CDH13: variants seen among roughly 807,000 people sequenced by gnomAD.
CDH13 encodes cadherin-13.
A neutral mutation model predicts 63.8 loss-of-function variants in CDH13; 24 were observed. The ratio of observed to expected loss-of-function variants is 0.38; its 90% CI spans 0.27 to 0.53. CDH13 has a LOEUF of 0.53. CDH13 is among the 20% of genes least tolerant of loss of function. The pLI, the probability that CDH13 is intolerant of heterozygous loss-of-function variation, is 0.85. For missense variants in CDH13, 1,049 were observed against 903.1 expected (o/e 1.16, Z -2.07); for synonymous variants, 503 against 355.3 (o/e 1.42, Z -4.67).
chr16:83,369,166 G>C (rs56291654), intron 6 of CDH13, among the ~76,000 whole-genome samples: 20,707 of 150,986 alleles, frequency 0.14, 1,855 homozygotes, highest in Middle Eastern at 0.27. Context: ...GGTTGTACTT[G>C]TTTACATTCC....
intron 1 of CDH13, among the ~76,000 whole-genome samples, chr16:82,783,919 GA>G (rs1472473171): frequency 2.0e-5 from 3 of 152,062 alleles, no homozygotes; most frequent in South Asian, 4.2e-4. Flanking sequence ...ATTAGAAAAA[GA>G]AAAAAATACT....
chr16:83,652,451 A>G (rs1005969369), intron 8 of CDH13, among the ~76,000 whole-genome samples: 1 of 152,006 alleles, frequency 6.6e-6, no homozygotes, highest in African/African-American at 2.4e-5. Flanking sequence ...GGGATTCTCC[A>G]TGGGCTGCAG....
chr16:83,285,204 C>T (rs1002872674), intron 5 of CDH13, among the ~76,000 whole-genome samples: 9 of 152,142 alleles, frequency 5.9e-5, no homozygotes, highest in African/African-American at 2.2e-4. Context: ...GAAAGTCCTA[C>T]CCAGAAGGAA....
intron 2 of CDH13, among the ~76,000 whole-genome samples, chr16:82,919,286 G>T (rs2042084467): frequency 6.6e-6 from 1 of 152,126 alleles, no homozygotes; most frequent in Non-Finnish European, 1.5e-5. Context: ...GAGATTTGTT[G>T]TACAGATTAT....
intron 5 of CDH13, among the ~76,000 whole-genome samples, chr16:83,242,699 C>A (rs931336926): frequency 2.0e-5 from 3 of 152,138 alleles, no homozygotes; most frequent in Non-Finnish European, 4.4e-5. Context: ...GGGAAAATTC[C>A]CAGAAAGTGA....
chr16:83,427,697 C>T (rs545763134), intron 6 of CDH13, among the ~76,000 whole-genome samples: 1 of 152,266 alleles, frequency 6.6e-6, no homozygotes, highest in South Asian at 2.1e-4. Flanking sequence ...CTCCTCCACC[C>T]TCGGCAGGCC....
Position 83,047,492 on chromosome 16 carries a change from T to C in CDH13, c.366+15274T>C, listed in dbSNP as rs1454232700. Among the ~76,000 whole-genome samples the C allele has an allele frequency of 2.0e-5, 3 of 152,026 alleles. No individual in the cohort carries two copies. Among genetic ancestry groups the C allele is most frequent in the Non-Finnish European group, 4.4e-5 (3 of 67,984 alleles). ...GTAATTTCCTCTTTCCCTCAGGCCT[T>C]TGCGTAATATTTTCTCTGCATGGAA... On this transcript the variant is annotated intron_variant, in intron 3 of 13. Transcript: ENST00000567109. The surrounding 1 kb of genome is among the most constrained non-coding windows in gnomAD (Gnocchi z 4.9).
At position 83,246,520 on chromosome 16, in the gene CDH13, T is replaced by C. The variant is rs141021380; in HGVS notation, c.636+29023T>C. ...GCATTCTTCCTCTTCTCTATACTTTTCCATGGTTCATTCATCTCCATTTTA... is the reference window on the plus strand; with the variant it reads ...GCATTCTTCCTCTTCTCTATACTTTCCCATGGTTCATTCATCTCCATTTTA... On this transcript the variant is annotated intron_variant, in intron 5 of 13. Transcript: ENST00000567109. 3.3e-5 allele frequency among the ~76,000 whole-genome samples: 5 copies of C among 152,318 alleles called. No individual in the cohort carries two copies. In the East Asian group the frequency reaches 9.6e-4, roughly 29 times the overall value.
intron 8 of CDH13, among the ~76,000 whole-genome samples, chr16:83,627,127 C>A (rs939726202): frequency 1.6e-4 from 23 of 145,540 alleles, no homozygotes; most frequent in Admixed American, 2.0e-4. Context: ...CACTAAAATA[C>A]AAAAAAAAAA....
chr16:82,639,508 T>C, intron 1 of CDH13: 1 of 1,319,552 alleles, frequency 7.6e-7, no homozygotes, highest in Non-Finnish European at 1.1e-6. Context: ...GATGGAATTC[T>C]TCCCTAGGGA....
At chr16:83,685,211 G>C (rs1963446535) in intron 10 of CDH13, among the ~76,000 whole-genome samples, 2 of 152,172 alleles carry the variant, frequency 1.3e-5, no homozygotes, top group Admixed American at 6.6e-5. Context: ...TGGGAAGTAT[G>C]GTCATTTGAC....
intron 1 of CDH13, among the ~76,000 whole-genome samples, chr16:82,816,268 TTGCCATC>T (rs2037705055): frequency 6.6e-6 from 1 of 152,166 alleles, no homozygotes; most frequent in Admixed American, 6.6e-5. Context: ...CAATTATTCA[TTGCCATC>T]TGAATTCACT....
At chr16:83,003,914 T>C (rs1913204747) in intron 2 of CDH13, among the ~76,000 whole-genome samples, 2 of 152,320 alleles carry the variant, frequency 1.3e-5, no homozygotes, top group African/African-American at 4.8e-5. Flanking sequence ...TTTAGTTTGT[T>C]TTGGGGAAAA....
intron 3 of CDH13, among the ~76,000 whole-genome samples, chr16:83,086,763 TAAAAC>T (rs1421807315): frequency 1.3e-5 from 2 of 152,116 alleles, no homozygotes; most frequent in East Asian, 3.9e-4. Flanking sequence ...GCACACAAAA[TAAAAC>T]AAGCAATGGC....
intron 11 of CDH13, among the ~76,000 whole-genome samples, chr16:83,761,304 T>A (rs1462556178): frequency 6.6e-6 from 1 of 152,164 alleles, no homozygotes; most frequent in Non-Finnish European, 1.5e-5. Context: ...GCAGATGACT[T>A]GAGGAGGAAA....
intron 8 of CDH13, among the ~76,000 whole-genome samples, chr16:83,603,205 C>T (rs538398026): frequency 6.6e-5 from 10 of 152,228 alleles, no homozygotes; most frequent in Non-Finnish European, 1.0e-4. Context: ...TGTACCCAAA[C>T]CAGGAAGCCA....
At chr16:83,301,388 C>G (rs1597700033) in intron 5 of CDH13, among the ~76,000 whole-genome samples, 2 of 152,260 alleles carry the variant, frequency 1.3e-5, no homozygotes, top group South Asian at 4.1e-4. Flanking sequence ...CTACCTCCCT[C>G]TCTGTGATTT....
chr16:83,570,820 A>G (rs1051854474), intron 7 of CDH13, among the ~76,000 whole-genome samples: 7 of 124,920 alleles, frequency 5.6e-5, no homozygotes, highest in African/African-American at 1.6e-4. Flanking sequence ...ATATTTATAA[A>G]TATAAATAAA....
intron 6 of CDH13, among the ~76,000 whole-genome samples, chr16:83,417,439 C>T (rs1054375652): frequency 1.3e-5 from 2 of 152,198 alleles, no homozygotes; most frequent in African/African-American, 4.8e-5. Flanking sequence ...GAACTGTCCT[C>T]TTTATCTTAA....
Sources: gnomAD v4.1 joint callset for allele counts (sites outside exome capture counted in the v4.1 genomes callset) on GRCh38, gnomAD v4.1.1 for gene constraint, Gnocchi (gnomAD v3.1) non-coding constraint, MANE v1.5 for transcripts, NCBI Gene and HGNC (gene_info 2026-07-23, HGNC 2026-07-21) for gene names.